The following CACNA1C variants were observed in gnomAD, a reference collection of about 807,000 sequenced individuals.
The protein encoded by CACNA1C is calcium voltage-gated channel subunit alpha1 C.
CACNA1C carries 30 observed loss-of-function variants against 229.0 expected under a neutral mutation model. The observed-to-expected ratio is 0.13, with a 90% CI of 0.10 to 0.18. The LOEUF (loss-of-function observed/expected upper bound fraction) is 0.18, where lower values mean the gene tolerates loss of function less well. Among genes scored for constraint, CACNA1C ranks in the 10% least tolerant of loss-of-function variants. The pLI, the probability that CACNA1C is intolerant of heterozygous loss-of-function variation, is 1.00. For missense variants in CACNA1C, 1,658 were observed against 2,845.0 expected (o/e 0.58, Z 9.49); for synonymous variants, 1,114 against 1,132.5 (o/e 0.98, Z 0.33).
intron 9 of CACNA1C, 69 bp downstream of exon 9, chr12:2,513,053 C>G: frequency 7.4e-7 from 1 of 1,344,476 alleles, no homozygotes. Flanking sequence ...GGGGTCAGCA[C>G]AGAACTTTGA....
intron 1 of CACNA1C, among the ~76,000 whole-genome samples, chr12:1,987,813 T>C (rs977018167): frequency 1.3e-5 from 2 of 152,216 alleles, no homozygotes; most frequent in African/African-American, 4.8e-5. Context: ...CATGGTGTAC[T>C]ATGATTACAT....
rs548908564 is a variant in CACNA1C, at chr12:2,633,449, C to A, written c.3829-848C>A. Among the ~76,000 whole-genome samples, 2 of 152,132 alleles carry A rather than the reference C, an allele frequency of 1.3e-5. No homozygotes were observed. The highest frequency in any genetic ancestry group is 4.8e-5 in the African/African-American group (2 of 41,436). ...AATGCGGGCAGTAGGGTTAGAGTGTCGCCTCCCTGCTGCTCCTTCCTTGCT... is the reference window on the plus strand; with the variant it reads ...AATGCGGGCAGTAGGGTTAGAGTGTAGCCTCCCTGCTGCTCCTTCCTTGCT... On this transcript the variant is annotated intron_variant, in intron 29 of 46. Transcript: ENST00000399655. This position sits in a 1 kb window ranked among gnomAD's most constrained non-coding sequence, Gnocchi z 5.8.
chr12:2,431,743 G>C (rs955406257), intron 3 of CACNA1C, among the ~76,000 whole-genome samples: 11 of 152,212 alleles, frequency 7.2e-5, no homozygotes, highest in Non-Finnish European at 1.5e-4. Flanking sequence ...TTCAGGCCCA[G>C]TTACTTCATT....
At chr12:2,239,574 G>T (rs950330122) in intron 3 of CACNA1C, among the ~76,000 whole-genome samples, 1 of 152,106 alleles carries the variant, frequency 6.6e-6, no homozygotes, top group Non-Finnish European at 1.5e-5. Flanking sequence ...ATTCTATCCC[G>T]ACAGTCTGTT....
At position 1,996,635 on chromosome 12, in the gene CACNA1C, A is replaced by C. The variant is rs1052977142; in HGVS notation, c.139+25434A>C. 4.5e-4 allele frequency among the ~76,000 whole-genome samples: 47 copies of C among 103,608 alleles called. 1 individual carries two copies. Among genetic ancestry groups the C allele is most frequent in the African/African-American group, 1.4e-3 (36 of 26,230 alleles). 68.0% of individuals were successfully genotyped at this position (103,608 alleles called of 152,430 possible). A position where few individuals can be genotyped will look rare whatever the true frequency, so the allele number is the denominator to read the frequency against. On this transcript the variant is annotated intron_variant, in intron 1 of 46. Transcript: ENST00000682462. ...ATGAGCTAAAAAAAAAAAAAAAAAA[A>C]AAAAAAAAAAAAAAAAAAAACAACA...
intron 1 of CACNA1C, among the ~76,000 whole-genome samples, chr12:2,084,123 A>G (rs1476562719): frequency 6.6e-6 from 1 of 152,196 alleles, no homozygotes; most frequent in Non-Finnish European, 1.5e-5. Flanking sequence ...AAAACTTTTC[A>G]CATAGTCAAA....
At chr12:2,450,476 C>G (rs2099355875) in intron 4 of CACNA1C, among the ~76,000 whole-genome samples, 2 of 143,102 alleles carry the variant, frequency 1.4e-5, no homozygotes, top group African/African-American at 5.6e-5. Flanking sequence ...ATGGCGTGAA[C>G]CCGGGAGGCG....
chr12:2,032,464 T>C (rs2429146), intron 1 of CACNA1C, among the ~76,000 whole-genome samples: 101,655 of 152,054 alleles, frequency 0.67, 35,857 homozygotes, highest in African/African-American at 0.89. Flanking sequence ...GTTAGCATCT[T>C]GTTTGTCAAC....
intron 3 of CACNA1C, among the ~76,000 whole-genome samples, chr12:2,326,077 G>T (rs1341632527): frequency 6.6e-6 from 1 of 152,186 alleles, no homozygotes; most frequent in Non-Finnish European, 1.5e-5. Flanking sequence ...CCACATTTCA[G>T]GGGGAGCGTT....
intron 18 of CACNA1C, among the ~76,000 whole-genome samples, chr12:2,591,843 G>T (rs1313204470): frequency 6.6e-6 from 1 of 152,092 alleles, no homozygotes; most frequent in African/African-American, 2.4e-5. Flanking sequence ...ATCCTCACTT[G>T]CCTCTCCTAA....
At chr12:2,680,543 C>G in intron 42 of CACNA1C, 10 of 1,570,886 alleles carry the variant, frequency 6.4e-6, no homozygotes, top group Non-Finnish European at 8.6e-6. Flanking sequence ...GAGAGTGGCT[C>G]CCAGCAGGCT....
At position 2,608,853 on chromosome 12, in the gene CACNA1C, T is replaced by C; in HGVS notation, c.3558+141T>C. The C allele has an allele frequency of 1.2e-6, 1 of 808,622 alleles. No homozygotes were observed. Among genetic ancestry groups the C allele is most frequent in the Non-Finnish European group, 1.9e-6 (1 of 514,976 alleles). The allele number at this position is 808,622 out of a possible 1,614,324, so 50.1% of individuals were successfully genotyped here. A position where few individuals can be genotyped will look rare whatever the true frequency, so the allele number is the denominator to read the frequency against. ...TCTCTATTCCTCAACCAGAGTGGGC[T>C]GTCAGTCTTTTTGAGGGACCTGTGC... On this transcript the variant is annotated intron_variant, in intron 27 of 46. Transcript: ENST00000399655. This position sits in a 1 kb window ranked among gnomAD's most constrained non-coding sequence, Gnocchi z 4.2.
In CACNA1C at chr12:2,632,263, A is replaced by G. The variant is rs369187292; in HGVS notation, c.3829-2034A>G. ...GTACTCGGTCCTTCCCCCTCCACCC[A>G]TGGGGAATATGACCGCCTGTAGCTG... On this transcript the variant is annotated intron_variant, in intron 29 of 46. Coordinates refer to ENST00000399655, the MANE Select transcript of CACNA1C (RefSeq NM_000719.7). This position sits in a 1 kb window ranked among gnomAD's most constrained non-coding sequence, Gnocchi z 4.1. Among the ~76,000 whole-genome samples, 4 of 148,004 alleles carry G rather than the reference A, an allele frequency of 2.7e-5. No individual in the cohort carries two copies. In the South Asian group the frequency reaches 6.7e-4, roughly 25 times the overall value.
intron 2 of CACNA1C, among the ~76,000 whole-genome samples, chr12:2,117,692 G>A (rs149117517): frequency 2.0e-5 from 3 of 152,380 alleles, no homozygotes; most frequent in African/African-American, 7.2e-5. Context: ...TGGGACCGGT[G>A]AGGTCTTAGG....
At chr12:2,353,316 C>A (rs1253990106) in intron 3 of CACNA1C, among the ~76,000 whole-genome samples, 4 of 152,210 alleles carry the variant, frequency 2.6e-5, no homozygotes, top group African/African-American at 9.6e-5. Flanking sequence ...TGAGCCCCCC[C>A]TGGTGCTGGG....
chr12:2,365,376 C>T (rs929682600), intron 3 of CACNA1C, among the ~76,000 whole-genome samples: 37 of 152,042 alleles, frequency 2.4e-4, no homozygotes, highest in African/African-American at 8.5e-4. Flanking sequence ...AAAAGAATAC[C>T]GAAGATAGTG....
At chr12:2,210,956 AT>A (rs1555324362) in intron 3 of CACNA1C, among the ~76,000 whole-genome samples, 1 of 152,218 alleles carries the variant, frequency 6.6e-6, no homozygotes, top group Non-Finnish European at 1.5e-5. Flanking sequence ...AGCTGGGATT[AT>A]GTGTATCAAG....
chr12:2,624,744 T>A (rs1443803768), intron 29 of CACNA1C, among the ~76,000 whole-genome samples: 1 of 152,202 alleles, frequency 6.6e-6, no homozygotes, highest in Non-Finnish European at 1.5e-5. Flanking sequence ...ACACATAGCC[T>A]CAGGCTGGCT....
rs571727625 is a variant in CACNA1C, at chr12:2,086,706, T to G, written c.50-28518T>G. On this transcript the variant is annotated intron_variant, in intron 1 of 46. Transcript: ENST00000399655. Reference sequence around the variant, plus strand: ...CTTCTCTCTTTGTGGTCTTTGACGTTTTCTCCATTCAGCTAATGTATGGAG... The same window carrying G: ...CTTCTCTCTTTGTGGTCTTTGACGTGTTCTCCATTCAGCTAATGTATGGAG... Among the ~76,000 whole-genome samples the G allele has an allele frequency of 2.0e-4, 31 of 152,296 alleles. No homozygotes were observed. In the South Asian group the frequency reaches 6.4e-3, roughly 32 times the overall value.
Sources: allele counts gnomAD v4.1 joint callset (sites outside exome capture counted in the v4.1 genomes callset), GRCh38; gene constraint gnomAD v4.1.1; non-coding constraint Gnocchi (gnomAD v3.1); transcripts MANE v1.5; gene names NCBI Gene and HGNC (gene_info 2026-07-23, HGNC 2026-07-21).